The following VCAN variants were observed in gnomAD, a reference collection of about 807,000 sequenced individuals.
The protein encoded by VCAN is versican.
In VCAN, 44 loss-of-function variants were observed where a neutral mutation model predicts 245.5. That is an observed-to-expected ratio of 0.18 (90% CI 0.14 to 0.23). The LOEUF (loss-of-function observed/expected upper bound fraction) is 0.23. Among genes scored for constraint, VCAN ranks in the 10% least tolerant of loss-of-function variants. The probability of loss-of-function intolerance (pLI) is 1.00; values close to 1 mark genes in which losing one functional copy is unlikely to be tolerated. For missense variants in VCAN, 3,793 were observed against 4,057.9 expected (o/e 0.93, Z 1.77); for synonymous variants, 1,413 against 1,437.0 (o/e 0.98, Z 0.38).
chr5:83,565,723 C>T (rs190759811), intron 12 of VCAN, among the ~76,000 whole-genome samples: 204 of 152,144 alleles, frequency 1.3e-3, no homozygotes, highest in Middle Eastern at 0.01. Flanking sequence ...TTGATAAGAA[C>T]GATTGCTCTT....
intron 12 of VCAN, among the ~76,000 whole-genome samples, chr5:83,559,106 G>T (rs1747771452): frequency 6.6e-6 from 1 of 152,084 alleles, no homozygotes; most frequent in Admixed American, 6.6e-5. Flanking sequence ...CTAATGAATT[G>T]CTTTGCTTGT....
chr5:83,508,907 C>A (rs879657206), intron 5 of VCAN, among the ~76,000 whole-genome samples: 1 of 152,164 alleles, frequency 6.6e-6, no homozygotes, highest in Non-Finnish European at 1.5e-5. Flanking sequence ...CCCAGCTACT[C>A]AGGAAGCTGA....
At position 83,519,592 on chromosome 5, in the gene VCAN, G is replaced by A. The variant is rs1745994483; in HGVS notation, c.1286G>A (p.Ser429Asn). 1.2e-6 allele frequency: 2 copies of A among 1,614,018 alleles called. No individual in the cohort carries two copies. The highest frequency in any genetic ancestry group is 2.2e-5 in the East Asian group (1 of 44,886). ...LATKLPTPTGSTKKPWDMDDY... is the reference protein window; with the variant it reads ...LATKLPTPTGNTKKPWDMDDY... ...ACCAAATTACCCACACCTACTGGCA[G>A]TACCAAGAAGCCCTGGGATATGGAT... is the stretch of plus-strand genomic sequence containing the variant. The change falls in exon 7 of 15, where the codon AGT becomes AAT. Residue 429 changes from serine (S) to asparagine (N), a missense_variant. Ser to Asn is a conservative substitution (Grantham distance 46, BLOSUM62 1). Coordinates refer to ENST00000265077, the MANE Select transcript of VCAN (RefSeq NM_004385.5).
intron 12 of VCAN, among the ~76,000 whole-genome samples, chr5:83,560,006 A>AG (rs1330562479): frequency 1.0e-5 from 1 of 98,408 alleles, no homozygotes; most frequent in African/African-American, 2.8e-5. Context: ...GAAAAGACCA[A>AG]AAAAAAAAAA....
rs1483547773 is a variant in VCAN at position 83,536,797 on chromosome 5, A to G, written c.4004-210A>G. 3 of 467,744 alleles carry G rather than the reference A, an allele frequency of 6.4e-6. No individual in the cohort carries two copies. In the East Asian group the frequency reaches 1.0e-4, roughly 16 times the overall value. 29.0% of individuals were successfully genotyped at this position (467,744 alleles called of 1,614,324 possible). On this transcript the variant is annotated intron_variant, in intron 7 of 14. Coordinates refer to ENST00000265077, the MANE Select transcript of VCAN (RefSeq NM_004385.5). Reference sequence around the variant, plus strand: ...ATGAGTCTTTATAACCTGTTTTAATAATGTTAAATTGAATTCATTTTTCTT... The same window carrying G: ...ATGAGTCTTTATAACCTGTTTTAATGATGTTAAATTGAATTCATTTTTCTT...
In VCAN at chr5:83,559,883, CATT is replaced by C. The variant is rs1747802529; in HGVS notation, c.9735+4848_9735+4850del. Among the ~76,000 whole-genome samples, 5 of 152,096 alleles carry C rather than the reference CATT, an allele frequency of 3.3e-5. No individual in the cohort carries two copies. In the South Asian group the frequency reaches 1.0e-3, roughly 32 times the overall value. Reference sequence around the variant, plus strand: ...TATCTTTTGAATCCTGAAATGAACACATTATGTCTTTCAGCTGAATCTCTTTGT... The same window carrying C: ...TATCTTTTGAATCCTGAAATGAACACATGTCTTTCAGCTGAATCTCTTTGT... On this transcript the variant is annotated intron_variant, in intron 12 of 14. Coordinates refer to ENST00000265077, the MANE Select transcript of VCAN (RefSeq NM_004385.5).
Position 83,520,967 on chromosome 5 carries a change from A to T in VCAN, c.2661A>T (p.Thr887=). Residue 887 remains threonine, a synonymous_variant, in exon 7 of 15, where the codon ACA becomes ACT. Coordinates refer to ENST00000265077, the MANE Select transcript of VCAN (RefSeq NM_004385.5). ...TCACAATTAGATTTCAGCCAACTACATCAACTGGTATTGCAGAAAAGTCAA... is the reference window on the plus strand; with the variant it reads ...TCACAATTAGATTTCAGCCAACTACTTCAACTGGTATTGCAGAAAAGTCAA... ...GKFTIRFQPT[T]STGIAEKSTL... 6.2e-7 allele frequency: 1 copy of T among 1,614,126 alleles called. No individual in the cohort carries two copies. Among genetic ancestry groups the T allele is most frequent in the Non-Finnish European group, 8.5e-7 (1 of 1,179,984 alleles).
intron 7 of VCAN, among the ~76,000 whole-genome samples, chr5:83,528,868 A>T (rs1746404597): frequency 6.6e-6 from 1 of 151,850 alleles, no homozygotes; most frequent in Non-Finnish European, 1.5e-5. Flanking sequence ...GGACCCAGGG[A>T]TTTCTCAATT....
At position 83,575,367 on chromosome 5, in the gene VCAN, A is replaced by G. The variant is rs1748435179; in HGVS notation, c.9880+2807A>G. 2.0e-5 allele frequency among the ~76,000 whole-genome samples: 3 copies of G among 152,312 alleles called. No individual in the cohort carries two copies. The South Asian group carries it at 6.2e-4, about 32-fold the overall frequency. On this transcript the variant is annotated intron_variant, in intron 13 of 14. Coordinates refer to ENST00000265077, the MANE Select transcript of VCAN (RefSeq NM_004385.5). ...TCAGCACCTCTGCGATGAGATTTGTAAAACTAGCAAATCAAGTATTTTCTA... is the reference window on the plus strand; with the variant it reads ...TCAGCACCTCTGCGATGAGATTTGTGAAACTAGCAAATCAAGTATTTTCTA...
rs780549011 is a variant in VCAN, at chr5:83,521,063, C to T, written c.2757C>T (p.Thr919=). 2.0e-5 allele frequency: 33 copies of T among 1,613,978 alleles called. No homozygotes were observed. The highest frequency in any genetic ancestry group is 8.3e-5 in the Admixed American group (5 of 59,992). The change falls in exon 7 of 15, where the codon ACC becomes ACT. Residue 919 remains threonine (T), a synonymous_variant. Coordinates refer to ENST00000265077, the MANE Select transcript of VCAN (RefSeq NM_004385.5). ...GCACTGAAGGCCAAGTTTATGCAAC[C>T]ATGGAAGGAAGTGCTTTGGGTGAAG... ...ITSTEGQVYA[T]MEGSALGEVE...
chr5:83,543,933 T>A (rs774100869), intron 8 of VCAN, among the ~76,000 whole-genome samples: 1 of 152,230 alleles, frequency 6.6e-6, no homozygotes, highest in Non-Finnish European at 1.5e-5. Context: ...TCATAAAAAC[T>A]GAAGTTTCCT....
chr5:83,514,539 C>T (rs1347498346), intron 6 of VCAN, among the ~76,000 whole-genome samples: 1 of 151,642 alleles, frequency 6.6e-6, no homozygotes, highest in African/African-American at 2.4e-5. Flanking sequence ...CAAGCTTCAC[C>T]TTCCAGGTTC....
At chr5:83,479,587 T>C (rs188501709) in intron 1 of VCAN, among the ~76,000 whole-genome samples, 3 of 152,264 alleles carry the variant, frequency 2.0e-5, no homozygotes, top group Admixed American at 2.0e-4. Flanking sequence ...TTGTTATCAC[T>C]AGTAGACGGT....
At chr5:83,490,035 T>G (rs1744925035) in intron 2 of VCAN, 63 bp from the exon 3 acceptor site, 5 of 1,566,934 alleles carry the variant, frequency 3.2e-6, no homozygotes, top group East Asian at 2.2e-5. Context: ...TCCATTCACA[T>G]ATTGAATAGA....
intron 5 of VCAN, among the ~76,000 whole-genome samples, chr5:83,494,549 T>A (rs1745097880): frequency 6.6e-6 from 1 of 152,208 alleles, no homozygotes; most frequent in South Asian, 2.1e-4. Flanking sequence ...TCGCTTACAG[T>A]CTGATTTCAG....
intron 10 of VCAN, among the ~76,000 whole-genome samples, chr5:83,553,022 G>C (rs1747529268): frequency 6.6e-6 from 1 of 152,178 alleles, no homozygotes; most frequent in South Asian, 2.1e-4. Context: ...AGTTGTGTTG[G>C]TAAGGAATTA....
At chr5:83,524,516 C>A (rs1392518665) in intron 7 of VCAN, among the ~76,000 whole-genome samples, 1 of 149,594 alleles carries the variant, frequency 6.7e-6, no homozygotes, top group Non-Finnish European at 1.5e-5. Context: ...ACCTACCTAC[C>A]TTCCTACCTA....
intron 12 of VCAN, among the ~76,000 whole-genome samples, chr5:83,556,338 C>T (rs938492305): frequency 3.3e-5 from 5 of 152,292 alleles, no homozygotes; most frequent in African/African-American, 1.2e-4. Flanking sequence ...CTGACCGGTA[C>T]CTCCTCGGCT....
Position 83,555,146 on chromosome 5 carries a change from C to T in VCAN, c.9735+108C>T. The T allele has an allele frequency of 3.5e-6, 4 of 1,148,688 alleles. No individual in the cohort carries two copies. The South Asian group carries it at 5.0e-5, about 14-fold the overall frequency. 71.2% of individuals were successfully genotyped at this position (1,148,688 alleles called of 1,614,324 possible). ...ATTAGACTGGAGGCAAGTTAAATGACTTGCTCAAGGTCACTCAGTGAAACA... is the reference window on the plus strand; with the variant it reads ...ATTAGACTGGAGGCAAGTTAAATGATTTGCTCAAGGTCACTCAGTGAAACA... On this transcript the variant is annotated intron_variant, in intron 12 of 14. Transcript: ENST00000265077.
Sources: allele counts gnomAD v4.1 joint callset (sites outside exome capture counted in the v4.1 genomes callset), GRCh38; gene constraint gnomAD v4.1.1; transcripts MANE v1.5; gene names NCBI Gene and HGNC (gene_info 2026-07-23, HGNC 2026-07-21).